Variants in PTPN12 observed in about 807,000 individuals in gnomAD.
PTPN12 encodes the protein protein tyrosine phosphatase non-receptor type 12, also known as tyrosine-protein phosphatase non-receptor type 12.
PTPN12 carries 29 observed loss-of-function variants against 97.6 expected under a neutral mutation model. The ratio of observed to expected loss-of-function variants is 0.30; its 90% CI spans 0.22 to 0.41. PTPN12 has a LOEUF of 0.41. PTPN12 is among the 10% of genes least tolerant of loss of function. The probability of loss-of-function intolerance (pLI) is 1.00; values close to 1 mark genes in which losing one functional copy is unlikely to be tolerated. For synonymous variants in PTPN12, 327 were observed against 300.4 expected, an observed-to-expected ratio of 1.09 and a Z score of -0.91; for missense variants, 819 against 926.0, an observed-to-expected ratio of 0.88 and a Z score of 1.50.
At chr7:77,625,676 TCTC>T (rs1345337525) in intron 12 of PTPN12, among the ~76,000 whole-genome samples, 1 of 141,668 alleles carries the variant, frequency 7.1e-6, no homozygotes. Flanking sequence ...CTCAAGCAAT[TCTC>T]CTGCCTCAGC....
chr7:77,564,102 C>T lies in PTPN12; in HGVS notation c.100-6976C>T, dbSNP rs1385702218. ...CCATGTTGGCCAGGCTGGTCTTGAGCTCCTGACCTCAAGTGATCTGCCCAC... is the reference window on the plus strand; with the variant it reads ...CCATGTTGGCCAGGCTGGTCTTGAGTTCCTGACCTCAAGTGATCTGCCCAC... On this transcript the variant is annotated intron_variant, in intron 1 of 17. Coordinates refer to ENST00000248594, the MANE Select transcript of PTPN12 (RefSeq NM_002835.4). 3.5e-5 allele frequency: 8 copies of T among 227,422 alleles called. No individual in the cohort carries two copies. The East Asian group carries it at 8.7e-4, about 25-fold the overall frequency. 14.1% of individuals were successfully genotyped at this position (227,422 alleles called of 1,614,324 possible).
chr7:77,558,210 C>CAAAAAAAAAAAAAAAAA (rs61149538), intron 1 of PTPN12, among the ~76,000 whole-genome samples: 2 of 93,606 alleles, frequency 2.1e-5, no homozygotes, highest in African/African-American at 3.9e-5. Flanking sequence ...GACTCCATCT[C>CAAAAAAAAAAAAAAAAA]AAAAAAAAAA....
intron 14 of PTPN12, among the ~76,000 whole-genome samples, chr7:77,634,472 T>C (rs10238228): frequency 0.72 from 109,662 of 152,042 alleles, 40,892 homozygotes; most frequent in East Asian, 0.9. Context: ...TGGAGTCTCA[T>C]TCTGTCGCCC....
chr7:77,556,889 G>T (rs1048563000), intron 1 of PTPN12, among the ~76,000 whole-genome samples: 3 of 151,926 alleles, frequency 2.0e-5, no homozygotes, highest in Non-Finnish European at 4.4e-5. Context: ...ATGAGAACCT[G>T]GTAGAGCTCC....
At position 77,564,779 on chromosome 7, in the gene PTPN12, G is replaced by T. The variant is rs1261464282; in HGVS notation, c.100-6299G>T. On this transcript the variant is annotated intron_variant, in intron 1 of 17. Coordinates refer to ENST00000248594, the MANE Select transcript of PTPN12 (RefSeq NM_002835.4). ...TTTTTTTTTTTTTTTTTTTTTTTGA[G>T]ACGGAATCTCGCCCTTGTGCCAGGC... is the stretch of plus-strand genomic sequence containing the variant. Among the ~76,000 whole-genome samples, 4 of 7,806 alleles carry T rather than the reference G, an allele frequency of 5.1e-4. 1 individual carries two copies. The highest frequency in any genetic ancestry group is 8.4e-4 in the Non-Finnish European group (4 of 4,784). 5.1% of individuals were successfully genotyped at this position (7,806 alleles called of 152,430 possible).
Position 77,587,638 on chromosome 7 carries a change from CAA to C in PTPN12, c.420+2058_420+2059del, listed in dbSNP as rs1442272140. Among the ~76,000 whole-genome samples the C allele has an allele frequency of 1.1e-4, 16 of 152,356 alleles. No homozygotes were observed. In the South Asian group the frequency reaches 2.3e-3, roughly 22 times the overall value. ...TGTCACCAGCTGCATTAACCCCTAA[CAA>C]GAGAGTCAGCATGTCCTTTGAAGCT... On this transcript the variant is annotated intron_variant, in intron 5 of 17. Coordinates refer to ENST00000248594, the MANE Select transcript of PTPN12 (RefSeq NM_002835.4).
chr7:77,559,714 T>C (rs1287296320), intron 1 of PTPN12, among the ~76,000 whole-genome samples: 1 of 152,204 alleles, frequency 6.6e-6, no homozygotes, highest in African/African-American at 2.4e-5. Flanking sequence ...AATGTGAAAA[T>C]AGGGTGCCAA....
At chr7:77,544,945 C>G (rs1447704594) in intron 1 of PTPN12, among the ~76,000 whole-genome samples, 1 of 152,162 alleles carries the variant, frequency 6.6e-6, no homozygotes, top group Non-Finnish European at 1.5e-5. Flanking sequence ...CAGATGTGCT[C>G]ACATAACTCG....
At chr7:77,616,458 T>C (rs1230825552) in intron 11 of PTPN12, among the ~76,000 whole-genome samples, 1 of 152,228 alleles carries the variant, frequency 6.6e-6, no homozygotes, top group African/African-American at 2.4e-5. Flanking sequence ...CTTTATTCAG[T>C]GCATTTCACT....
chr7:77,604,577 A>G (rs1562742649), intron 8 of PTPN12, among the ~76,000 whole-genome samples: 1 of 151,956 alleles, frequency 6.6e-6, no homozygotes, highest in Non-Finnish European at 1.5e-5. Flanking sequence ...TTCATGTTGT[A>G]AGTACCATGG....
chr7:77,591,356 G>A (rs1221170565), intron 5 of PTPN12, among the ~76,000 whole-genome samples: 3 of 152,148 alleles, frequency 2.0e-5, no homozygotes, highest in Non-Finnish European at 4.4e-5. Context: ...GATACAAATT[G>A]CATCATTTCT....
intron 9 of PTPN12, 130 bp from the exon 10 acceptor site, chr7:77,610,635 C>A: frequency 1.1e-6 from 1 of 917,078 alleles, no homozygotes; most frequent in Non-Finnish European, 1.6e-6. Context: ...GTCTGAGATG[C>A]ATTAAGTGGT....
At chr7:77,558,204 C>G (rs958807935) in intron 1 of PTPN12, among the ~76,000 whole-genome samples, 1 of 117,424 alleles carries the variant, frequency 8.5e-6, no homozygotes, top group African/African-American at 3.6e-5. Context: ...GAGCAAGACT[C>G]CATCTCAAAA....
chr7:77,636,653 A>G, intron 15 of PTPN12: 1 of 176,310 alleles, frequency 5.7e-6, no homozygotes, highest in Non-Finnish European at 1.2e-5. Context: ...TTTCTCCCAT[A>G]CTTTAATATC....
At chr7:77,588,525 T>C (rs1457210221) in intron 5 of PTPN12, among the ~76,000 whole-genome samples, 2 of 152,144 alleles carry the variant, frequency 1.3e-5, no homozygotes, top group Non-Finnish European at 2.9e-5. Context: ...ATGAAAAAGT[T>C]TGGAATACTG....
chr7:77,627,433 ATAACACT>A lies in PTPN12; in HGVS notation c.1756_1762del (p.Asn586HisfsTer30). ...GAAACACCTGATCTTGTGGATCATG[ATAACACT>A]TCACCACTCTTCAGAACACCCCTCA... On this transcript the variant is annotated frameshift_variant, in exon 13 of 18. Transcript: ENST00000248594. LOFTEE classifies it high-confidence loss of function. 1 of 1,614,150 alleles carries A rather than the reference ATAACACT, an allele frequency of 6.2e-7. No homozygotes were observed. The highest frequency in any genetic ancestry group is 8.5e-7 in the Non-Finnish European group (1 of 1,179,996).
chr7:77,621,333 C>T (rs919255134), intron 12 of PTPN12, among the ~76,000 whole-genome samples: 6 of 152,026 alleles, frequency 3.9e-5, no homozygotes, highest in African/African-American at 1.2e-4. Context: ...AGCTGTTTAA[C>T]AGTTAACTAA....
At chr7:77,562,440 T>C (rs906303603) in intron 1 of PTPN12, among the ~76,000 whole-genome samples, 1 of 152,184 alleles carries the variant, frequency 6.6e-6, no homozygotes, top group Non-Finnish European at 1.5e-5. Context: ...TTTGGCAGAG[T>C]GTGCCCCTAT....
At chr7:77,568,899 C>G (rs549019232) in intron 1 of PTPN12, among the ~76,000 whole-genome samples, 2 of 152,298 alleles carry the variant, frequency 1.3e-5, no homozygotes, top group Admixed American at 1.3e-4. Context: ...TACATCTTTT[C>G]AGATGCTTAA....
Sources: allele counts gnomAD v4.1 joint callset (sites outside exome capture counted in the v4.1 genomes callset), GRCh38; gene constraint gnomAD v4.1.1; transcripts MANE v1.5; gene names NCBI Gene and HGNC (gene_info 2026-07-23, HGNC 2026-07-21).